Variants in AGBL1 observed in about 807,000 individuals in gnomAD.
AGBL1 encodes the protein cytosolic carboxypeptidase 4.
A neutral mutation model predicts 118.9 loss-of-function variants in AGBL1; 130 were observed. That is an observed-to-expected ratio of 1.09 (90% CI 0.95 to 1.26). AGBL1 has a LOEUF of 1.26. Ranked by LOEUF, AGBL1 falls within the 50% of genes most tolerant of loss-of-function variation. AGBL1 has a pLI of 0.00. For synonymous variants in AGBL1, 555 were observed against 478.9 expected (o/e 1.16, Z -2.08); for missense variants, 1,584 against 1,298.1 (o/e 1.22, Z -3.38).
intron 22 of AGBL1, among the ~76,000 whole-genome samples, chr15:86,772,500 G>T (rs909961228): frequency 2.0e-5 from 3 of 152,060 alleles, no homozygotes; most frequent in African/African-American, 7.2e-5. Context: ...AAGAGCTCTG[G>T]ACAGGAGAGA....
chr15:86,801,599 GTC>G (rs761950339), intron 22 of AGBL1, among the ~76,000 whole-genome samples: 66 of 152,146 alleles, frequency 4.3e-4, no homozygotes, highest in Non-Finnish European at 8.5e-4. Context: ...GCATATATCT[GTC>G]TGTATCTGTG....
At chr15:86,748,612 T>C (rs1413099040) in intron 22 of AGBL1, among the ~76,000 whole-genome samples, 5 of 146,182 alleles carry the variant, frequency 3.4e-5, no homozygotes, top group African/African-American at 1.2e-4. Context: ...TGGTAATGCC[T>C]AGGTTTTCTT....
chr15:86,436,829 A>G (rs549052911), intron 18 of AGBL1, among the ~76,000 whole-genome samples: 16 of 152,192 alleles, frequency 1.1e-4, no homozygotes, highest in African/African-American at 3.6e-4. Context: ...GAGAGTGCCT[A>G]AGGAACTGCT....
At chr15:86,668,479 T>C (rs1267478787) in intron 21 of AGBL1, among the ~76,000 whole-genome samples, 1 of 152,228 alleles carries the variant, frequency 6.6e-6, no homozygotes, top group Non-Finnish European at 1.5e-5. Context: ...TTCCCAGATT[T>C]TTCCTATTTC....
intron 5 of AGBL1, among the ~76,000 whole-genome samples, chr15:86,172,601 G>A (rs76915155): frequency 2.0e-5 from 3 of 151,304 alleles, no homozygotes; most frequent in Non-Finnish European, 4.4e-5. Context: ...AATGTGAGTG[G>A]TAGTTGTCTG....
chr15:86,579,586 T>C (rs1165863454), intron 21 of AGBL1, among the ~76,000 whole-genome samples: 1 of 152,112 alleles, frequency 6.6e-6, no homozygotes, highest in African/African-American at 2.4e-5. Context: ...AAGTAAGCAA[T>C]GGTCAGAAAA....
chr15:87,016,920 G>A (rs550010285), intron 24 of AGBL1, among the ~76,000 whole-genome samples: 1 of 152,058 alleles, frequency 6.6e-6, no homozygotes, highest in Non-Finnish European at 1.5e-5. Context: ...AGCAGCCACT[G>A]GGGCACACAC....
intron 5 of AGBL1, among the ~76,000 whole-genome samples, chr15:86,191,916 A>C (rs1003144033): frequency 6.0e-5 from 9 of 148,782 alleles, no homozygotes; most frequent in African/African-American, 2.3e-4. Context: ...AAAAAAAAAA[A>C]ACAAAAAAAA....
intron 21 of AGBL1, among the ~76,000 whole-genome samples, chr15:86,578,471 A>G (rs764070984): frequency 2.2e-4 from 33 of 152,212 alleles, no homozygotes; most frequent in Non-Finnish European, 1.3e-4. Flanking sequence ...TTTTGAGTTA[A>G]TGCAGAAATG....
chr15:86,927,624 T>G (rs1421465548), intron 23 of AGBL1, among the ~76,000 whole-genome samples: 15 of 152,092 alleles, frequency 9.9e-5, no homozygotes, highest in Admixed American at 9.8e-4. Flanking sequence ...AAAAGTTACT[T>G]TAGGCTAAGA....
chr15:86,256,213 C>T (rs1339746075), intron 7 of AGBL1, among the ~76,000 whole-genome samples: 3 of 152,160 alleles, frequency 2.0e-5, no homozygotes, highest in African/African-American at 4.8e-5. Context: ...AGGGTCTTGT[C>T]ATGTTCCATC....
chr15:86,788,362 T>A (rs1664193120), intron 22 of AGBL1, among the ~76,000 whole-genome samples: 1 of 152,200 alleles, frequency 6.6e-6, no homozygotes, highest in Admixed American at 6.5e-5. Context: ...ATTATACACA[T>A]GAAGATGACA....
intron 6 of AGBL1, among the ~76,000 whole-genome samples, chr15:86,235,681 A>G (rs2078529036): frequency 6.7e-6 from 1 of 148,508 alleles, no homozygotes; most frequent in Non-Finnish European, 1.5e-5. Context: ...CTTTTCATAT[A>G]TACAATCTCA....
intron 22 of AGBL1, among the ~76,000 whole-genome samples, chr15:86,879,413 G>T (rs1396225618): frequency 2.6e-5 from 4 of 152,048 alleles, no homozygotes; most frequent in African/African-American, 9.7e-5. Context: ...CATCTTAGAG[G>T]CCTGCTGTGC....
chr15:86,170,139 T>A (rs752743341), intron 5 of AGBL1, among the ~76,000 whole-genome samples: 74 of 152,342 alleles, frequency 4.9e-4, no homozygotes, highest in Non-Finnish European at 9.1e-4. Flanking sequence ...ATATTTCACA[T>A]GTTCAAAAAT....
At chr15:86,151,449 G>T (rs949252560) in intron 3 of AGBL1, among the ~76,000 whole-genome samples, 1 of 152,136 alleles carries the variant, frequency 6.6e-6, no homozygotes, top group Non-Finnish European at 1.5e-5. Context: ...CTCAATAGAT[G>T]CAGAAAAGGC....
chr15:86,544,529 G>C (rs2083551557), intron 19 of AGBL1, among the ~76,000 whole-genome samples: 1 of 152,200 alleles, frequency 6.6e-6, no homozygotes, highest in South Asian at 2.1e-4. Flanking sequence ...GGCTGGGGAG[G>C]CCTCACGATC....
chr15:86,302,778 CAA>C lies in AGBL1; in HGVS notation c.2374+7390_2374+7391del, dbSNP rs11345100. ...TGGATGACAGAGTGGGACCCTGTCTCAAAAAAAAAAAAAAAAAAAAAGTAAAT... is the reference window on the plus strand; with the variant it reads ...TGGATGACAGAGTGGGACCCTGTCTCAAAAAAAAAAAAAAAAAAAGTAAAT... On this transcript the variant is annotated intron_variant, in intron 17 of 22. Transcript: ENST00000614907. 3.5e-3 allele frequency among the ~76,000 whole-genome samples: 332 copies of C among 95,898 alleles called. 1 individual carries two copies. The highest frequency in any genetic ancestry group is 0.019 in the East Asian group (53 of 2,856). The allele number at this position is 95,898 out of a possible 152,430, so 62.9% of individuals were successfully genotyped here. A position where few individuals can be genotyped will look rare whatever the true frequency, so the allele number is the denominator to read the frequency against.
At chr15:86,331,366 T>C (rs1223342766) in intron 17 of AGBL1, among the ~76,000 whole-genome samples, 1 of 151,348 alleles carries the variant, frequency 6.6e-6, no homozygotes, top group Admixed American at 6.6e-5. Flanking sequence ...AGCAACAACC[T>C]GGAAAACATA....
Sources: gnomAD v4.1 joint callset for allele counts (sites outside exome capture counted in the v4.1 genomes callset) on GRCh38, gnomAD v4.1.1 for gene constraint, MANE v1.5 for transcripts, NCBI Gene and HGNC (gene_info 2026-07-23, HGNC 2026-07-21) for gene names.